ANKRD31: variants seen among roughly 807,000 people sequenced by gnomAD.
The protein encoded by ANKRD31 is ankyrin repeat domain-containing protein 31.
A neutral mutation model predicts 186.0 loss-of-function variants in ANKRD31; 147 were observed. The ratio of observed to expected loss-of-function variants is 0.79; its 90% confidence interval spans 0.69 to 0.91. The LOEUF is 0.91. Ranked by LOEUF, ANKRD31 falls within the 40% of genes least tolerant of loss-of-function variation. The pLI is 0.00. For synonymous variants in ANKRD31, 673 were observed against 736.4 expected (o/e 0.91, Z 1.39); for missense variants, 1,986 against 2,148.8 (o/e 0.92, Z 1.50).
intron 20 of ANKRD31, 35 bp from the exon 21 acceptor site, chr5:75,107,652 G>A: frequency 7.5e-7 from 1 of 1,341,818 alleles, no homozygotes; most frequent in Non-Finnish European, 1.0e-6. Context: ...AGCTAACTGA[G>A]GGAGAGTGAA....
At chr5:75,168,316 T>C (rs1753067119) in intron 11 of ANKRD31, among the ~76,000 whole-genome samples, 1 of 152,094 alleles carries the variant, frequency 6.6e-6, no homozygotes, top group Admixed American at 6.6e-5. Context: ...AGAGGCAACT[T>C]TCAGTAACTG....
At chr5:75,161,484 A>G (rs531124157) in intron 11 of ANKRD31, among the ~76,000 whole-genome samples, 5 of 152,228 alleles carry the variant, frequency 3.3e-5, no homozygotes, top group Admixed American at 1.3e-4. Context: ...AGCAGAGCAT[A>G]AAAGTTTGGA....
Position 75,175,582 on chromosome 5 carries a change from T to C in ANKRD31, c.1565-6461A>G, listed in dbSNP as rs112959218. Among the ~76,000 whole-genome samples the C allele has an allele frequency of 3.3e-3, 498 of 152,138 alleles. 2 individuals carry two copies. Among genetic ancestry groups the C allele is most frequent in the Admixed American group, 5.8e-3 (89 of 15,278 alleles). On this transcript the variant is annotated intron_variant, in intron 10 of 25. Transcript: ENST00000506364. ...GGAACTTTCTGGGATAGTGTATCTG[T>C]CAACATTCATCAAATGGCATATTTA...
intron 3 of ANKRD31, among the ~76,000 whole-genome samples, chr5:75,211,784 T>A (rs953386832): frequency 6.6e-6 from 1 of 152,166 alleles, no homozygotes; most frequent in Non-Finnish European, 1.5e-5. Context: ...CATTTTTATA[T>A]CTTCTTTGGT....
At chr5:75,201,808 C>T (rs1461513835) in intron 5 of ANKRD31, among the ~76,000 whole-genome samples, 2 of 152,134 alleles carry the variant, frequency 1.3e-5, no homozygotes, top group African/African-American at 4.8e-5. Flanking sequence ...GATCTTAAGT[C>T]TGTTTAAAAA....
intron 23 of ANKRD31, among the ~76,000 whole-genome samples, chr5:75,086,382 T>C (rs1234228563): frequency 6.6e-6 from 1 of 152,198 alleles, no homozygotes; most frequent in Non-Finnish European, 1.5e-5. Context: ...GTGCATTTCA[T>C]ATTAATGTCA....
intron 17 of ANKRD31, among the ~76,000 whole-genome samples, chr5:75,122,250 A>C (rs1748851552): frequency 6.6e-6 from 1 of 150,964 alleles, no homozygotes; most frequent in Non-Finnish European, 1.5e-5. Context: ...TGAACCTTGA[A>C]GAACTAGATA....
intron 13 of ANKRD31, among the ~76,000 whole-genome samples, chr5:75,148,133 T>C (rs977359275): frequency 6.6e-6 from 1 of 151,848 alleles, no homozygotes; most frequent in Admixed American, 6.6e-5. Context: ...AAGACAGATA[T>C]ACTCTTCAAC....
chr5:75,079,266 C>T (rs1260354583), intron 25 of ANKRD31, among the ~76,000 whole-genome samples: 2 of 152,152 alleles, frequency 1.3e-5, no homozygotes, highest in African/African-American at 4.8e-5. Context: ...ACCATGTATC[C>T]GAAATGATAT....
intron 23 of ANKRD31, 145 bp from the exon 24 acceptor site, chr5:75,084,519 C>T: frequency 3.3e-6 from 2 of 611,252 alleles, no homozygotes; most frequent in Non-Finnish European, 2.9e-6. Context: ...CAAATCCCAC[C>T]TGCAACCTTC....
At chr5:75,203,161 C>A (rs1348707597) in intron 5 of ANKRD31, among the ~76,000 whole-genome samples, 1 of 151,982 alleles carries the variant, frequency 6.6e-6, no homozygotes, top group African/African-American at 2.4e-5. Flanking sequence ...CTCAGAAGTT[C>A]GAGGAGAGTG....
Position 75,147,352 on chromosome 5 carries a change from T to G in ANKRD31, c.2059A>C (p.Lys687Gln), listed in dbSNP as rs769278933. ...TTGGATTTACCAAATTTTGTGTTTTTGGGATCTTTTTGGTAATATTCATAT... is the reference window on the plus strand; with the variant it reads ...TTGGATTTACCAAATTTTGTGTTTTGGGGATCTTTTTGGTAATATTCATAT... ...DVYEYYQKDPKNTKFGKSKHK... is the reference protein window; with the variant it reads ...DVYEYYQKDPQNTKFGKSKHK... The change falls in exon 14 of 26, where the codon AAA becomes CAA. Residue 687 changes from lysine to glutamine, a missense_variant. Transcript: ENST00000506364. 8.9e-5 allele frequency: 137 copies of G among 1,532,984 alleles called. 1 individual carries two copies. The African/African-American group carries it at 9.4e-4, about 10-fold the overall frequency. 95.0% of individuals were successfully genotyped at this position (1,532,984 alleles called of 1,614,324 possible).
intron 11 of ANKRD31, among the ~76,000 whole-genome samples, chr5:75,168,179 T>G (rs1753056397): frequency 6.6e-6 from 1 of 152,236 alleles, no homozygotes; most frequent in South Asian, 2.1e-4. Flanking sequence ...CCCTGTCTAT[T>G]CCCATGGCTC....
At position 75,148,787 on chromosome 5, in the gene ANKRD31, T is replaced by C. The variant is rs78941874; in HGVS notation, c.1853-159A>G. 2.4e-3 allele frequency among the ~76,000 whole-genome samples: 368 copies of C among 151,960 alleles called. 9 individuals are homozygous for C. The East Asian group carries it at 0.062, about 26-fold the overall frequency. On this transcript the variant is annotated intron_variant, in intron 12 of 25. Transcript: ENST00000506364. Reference sequence around the variant, plus strand: ...TTGGCACATACAACATTCCTATAAGTTCCATATTAGAAATCAAATACTATC... The same window carrying C: ...TTGGCACATACAACATTCCTATAAGCTCCATATTAGAAATCAAATACTATC...
intron 21 of ANKRD31, among the ~76,000 whole-genome samples, chr5:75,105,907 T>C (rs2150060302): frequency 6.6e-6 from 1 of 152,276 alleles, no homozygotes; most frequent in South Asian, 2.1e-4. Context: ...TTTTCACATC[T>C]TCATACTTTT....
chr5:75,154,213 AT>A lies in ANKRD31; in HGVS notation c.1839del (p.Lys613AsnfsTer14). The A allele has an allele frequency of 6.6e-7, 1 of 1,519,990 alleles. No homozygotes were observed. Among genetic ancestry groups the A allele is most frequent in the Non-Finnish European group, 8.8e-7 (1 of 1,138,242 alleles). The allele number at this position is 1,519,990 out of a possible 1,614,324, so 94.2% of individuals were successfully genotyped here. A position where few individuals can be genotyped will look rare whatever the true frequency, so the allele number is the denominator to read the frequency against. On this transcript the variant is annotated frameshift_variant, in exon 12 of 26. Coordinates refer to ENST00000506364, the MANE Select transcript of ANKRD31 (RefSeq NM_001372053.1). LOFTEE classifies it high-confidence loss of function. ...AGTTTAATCTTACCTGATGTAAGGC[AT>A]TTTTGATGTTTAGGGATATATCTCT... ...LLERYIPKHQ[K>X]CLTSAQRSSI...
intron 1 of ANKRD31, 135 bp from the exon 2 acceptor site, chr5:75,230,770 AGT>A: frequency 1.8e-6 from 1 of 569,370 alleles, no homozygotes; most frequent in Non-Finnish European, 3.0e-6. Context: ...TCTATTTCAA[AGT>A]GTTATTCAGA....
chr5:75,227,576 GAAAGAAAA>G (rs990081118), intron 2 of ANKRD31, among the ~76,000 whole-genome samples: 1 of 151,792 alleles, frequency 6.6e-6, no homozygotes, highest in Non-Finnish European at 1.5e-5. Context: ...ATTAAAAAAA[GAAAGAAAA>G]CCTGCTACTT....
chr5:75,139,453 C>G (rs906916892), intron 15 of ANKRD31, among the ~76,000 whole-genome samples: 3 of 151,952 alleles, frequency 2.0e-5, no homozygotes, highest in Non-Finnish European at 4.4e-5. Context: ...TATCATTAAC[C>G]AAAGATTTTG....
Sources: gnomAD v4.1 joint callset for allele counts (sites outside exome capture counted in the v4.1 genomes callset) on GRCh38, gnomAD v4.1.1 for gene constraint, MANE v1.5 for transcripts, NCBI Gene and HGNC (gene_info 2026-07-23, HGNC 2026-07-21) for gene names.